CNTLN: variants seen among roughly 807,000 people sequenced by gnomAD.
CNTLN encodes the protein centlein, centrosomal protein.
CNTLN carries 212 observed loss-of-function variants against 180.0 expected under a neutral mutation model. That is an observed-to-expected ratio of 1.18 (90% confidence interval 1.05 to 1.32). CNTLN has a LOEUF of 1.32. Among genes scored for constraint, CNTLN ranks in the 40% most tolerant of loss-of-function variants. The pLI is 0.00. For synonymous variants in CNTLN, 722 were observed against 563.1 expected, an observed-to-expected ratio of 1.28 and a Z score of -3.99; for missense variants, 2,095 against 1,610.9, an observed-to-expected ratio of 1.30 and a Z score of -5.14.
At chr9:17,277,439 G>A (rs1194163537) in intron 6 of CNTLN, among the ~76,000 whole-genome samples, 1 of 152,034 alleles carries the variant, frequency 6.6e-6, no homozygotes, top group Admixed American at 6.6e-5. Context: ...CTTAGCAGAA[G>A]CAAGTGAGTT....
chr9:17,173,616 C>T (rs184876680), intron 2 of CNTLN, among the ~76,000 whole-genome samples: 13 of 151,934 alleles, frequency 8.6e-5, no homozygotes, highest in South Asian at 2.1e-4. Flanking sequence ...GGAATTGTAA[C>T]GGTGATTCAC....
At chr9:17,237,749 A>ATG (rs1825247219) in intron 5 of CNTLN, among the ~76,000 whole-genome samples, 2 of 151,946 alleles carry the variant, frequency 1.3e-5, no homozygotes, top group African/African-American at 2.4e-5. Context: ...GTATGGATAT[A>ATG]TGTGTGTGTA....
chr9:17,184,582 G>A (rs541196323), intron 2 of CNTLN, among the ~76,000 whole-genome samples: 3 of 152,296 alleles, frequency 2.0e-5, no homozygotes, highest in East Asian at 1.9e-4. Flanking sequence ...ATTATGAATT[G>A]TATTGGGGGA....
intron 2 of CNTLN, among the ~76,000 whole-genome samples, chr9:17,169,503 C>G (rs550313996): frequency 1.7e-3 from 254 of 152,216 alleles, no homozygotes; most frequent in Admixed American, 4.0e-3. Context: ...GAGCTTTTCC[C>G]TATTGTTTTT....
intron 23 of CNTLN, among the ~76,000 whole-genome samples, chr9:17,477,405 G>C (rs1419120096): frequency 6.6e-6 from 1 of 152,190 alleles, no homozygotes; most frequent in African/African-American, 2.4e-5. Context: ...CATAGCTTCT[G>C]TAGATAGTGA....
chr9:17,435,479 G>A (rs1256872975), intron 18 of CNTLN, among the ~76,000 whole-genome samples: 2 of 151,920 alleles, frequency 1.3e-5, no homozygotes, highest in Non-Finnish European at 2.9e-5. Context: ...ATTAAAAGAT[G>A]GTAGGAGGAG....
intron 13 of CNTLN, among the ~76,000 whole-genome samples, chr9:17,386,669 G>A (rs923109413): frequency 6.6e-6 from 1 of 152,168 alleles, no homozygotes; most frequent in Admixed American, 6.5e-5. Context: ...GGTGAACATG[G>A]TTAGCCAATC....
At chr9:17,237,509 A>G (rs915178799) in intron 5 of CNTLN, among the ~76,000 whole-genome samples, 1 of 152,016 alleles carries the variant, frequency 6.6e-6, no homozygotes, top group African/African-American at 2.4e-5. Context: ...AAAAGTAACA[A>G]TACAATAATT....
At chr9:17,367,582 A>G (rs1028603514) in intron 13 of CNTLN, among the ~76,000 whole-genome samples, 1 of 151,972 alleles carries the variant, frequency 6.6e-6, no homozygotes, top group Non-Finnish European at 1.5e-5. Context: ...TCTGAAAGGA[A>G]CCCCTTCCAT....
At chr9:17,149,160 T>C (rs190976897) in intron 2 of CNTLN, among the ~76,000 whole-genome samples, 1 of 152,332 alleles carries the variant, frequency 6.6e-6, no homozygotes, top group Non-Finnish European at 1.5e-5. Context: ...TCCTTTTTTA[T>C]GTCTGCATAG....
intron 18 of CNTLN, chr9:17,447,238 C>T (rs1326330963): frequency 4.7e-6 from 1 of 214,802 alleles, no homozygotes. Flanking sequence ...TAAGTTCCAA[C>T]AGAGCCATGT....
chr9:17,226,102 T>G, intron 2 of CNTLN, 101 bp from the exon 3 acceptor site: 2 of 586,508 alleles, frequency 3.4e-6, no homozygotes, highest in Non-Finnish European at 5.7e-6. Flanking sequence ...CAAGATGATT[T>G]AATTTTCTAT....
At chr9:17,200,220 A>G (rs1587115020) in intron 2 of CNTLN, among the ~76,000 whole-genome samples, 2 of 152,280 alleles carry the variant, frequency 1.3e-5, no homozygotes, top group Admixed American at 1.3e-4. Flanking sequence ...TACCCGTACC[A>G]TGCTGTTTTG....
At chr9:17,266,510 T>C (rs1253902522) in intron 5 of CNTLN, among the ~76,000 whole-genome samples, 1 of 152,142 alleles carries the variant, frequency 6.6e-6, no homozygotes, top group African/African-American at 2.4e-5. Context: ...AAAATGTATA[T>C]TCTGTTGATT....
chr9:17,458,480 A>T (rs1196342502), intron 19 of CNTLN, among the ~76,000 whole-genome samples: 3 of 152,002 alleles, frequency 2.0e-5, no homozygotes, highest in Non-Finnish European at 4.4e-5. Context: ...GTCACTAGAA[A>T]GAAAATCCTG....
rs759394924 is a variant in CNTLN at position 17,332,740 on chromosome 9, A to C, written c.1644+10A>C. On this transcript the variant is annotated intron_variant, in intron 10 of 25. Transcript: ENST00000380647. ...GGCACTACAACTAAAGGTGAACATT[A>C]AATCATTTCTTTAGTAGTAACCTTG... The C allele has an allele frequency of 1.9e-6, 3 of 1,575,424 alleles. No individual in the cohort carries two copies. Among genetic ancestry groups the C allele is most frequent in the Non-Finnish European group, 2.6e-6 (3 of 1,165,018 alleles).
chr9:17,394,021 T>A (rs1242500255), intron 14 of CNTLN, among the ~76,000 whole-genome samples: 1 of 152,186 alleles, frequency 6.6e-6, no homozygotes, highest in Non-Finnish European at 1.5e-5. Flanking sequence ...TAGTAAACTG[T>A]TCCCTTATCA....
At chr9:17,494,795 C>G (rs1002399934) in intron 25 of CNTLN, 5 of 344,324 alleles carry the variant, frequency 1.5e-5, no homozygotes, top group South Asian at 9.0e-5. Context: ...AAAAGTATAG[C>G]GTATACAATT....
chr9:17,287,239 G>A (rs1404607056), intron 6 of CNTLN, among the ~76,000 whole-genome samples: 1 of 151,638 alleles, frequency 6.6e-6, no homozygotes, highest in Non-Finnish European at 1.5e-5. Flanking sequence ...TTTGTCAAAG[G>A]CTTTTTCTGC....
Sources: gnomAD v4.1 joint callset for allele counts (sites outside exome capture counted in the v4.1 genomes callset) on GRCh38, gnomAD v4.1.1 for gene constraint, MANE v1.5 for transcripts, NCBI Gene and HGNC (gene_info 2026-07-23, HGNC 2026-07-21) for gene names.